The following HMGA1 variants were observed in gnomAD, a reference collection of about 807,000 sequenced individuals.
HMGA1 encodes high mobility group protein HMG-I/HMG-Y.
A neutral mutation model predicts 15.1 loss-of-function variants in HMGA1; 1 was observed. The ratio of observed to expected loss-of-function variants is 0.07; its 90% confidence interval spans 0.02 to 0.31. The LOEUF (loss-of-function observed/expected upper bound fraction) is 0.31. Among genes scored for constraint, HMGA1 ranks in the 10% least tolerant of loss-of-function variants. HMGA1 has a pLI of 1.00. For synonymous variants in HMGA1, 56 were observed against 54.8 expected (o/e 1.02, Z -0.10); for missense variants, 94 against 141.4 (o/e 0.66, Z 1.70).
chr6:34,240,961 A>G, intron 3 of HMGA1, 46 bp downstream of exon 3: 1 of 1,610,228 alleles, frequency 6.2e-7, no homozygotes. Context: ...CTTTGGGGCT[A>G]GGGAGGTGCC....
chr6:34,237,935 C>T (rs557803225), intron 2 of HMGA1, among the ~76,000 whole-genome samples: 66 of 152,294 alleles, frequency 4.3e-4, no homozygotes, highest in African/African-American at 1.5e-3. Context: ...TGGCCTGGCC[C>T]GCGCCTCTTC....
intron 2 of HMGA1, chr6:34,238,803 C>G (rs1294550144): frequency 6.6e-6 from 1 of 150,946 alleles, no homozygotes; most frequent in African/African-American, 2.4e-5. Flanking sequence ...TCCCCAGCAG[C>G]AAGAGGTGGG....
chr6:34,242,711 G>A lies in HMGA1; in HGVS notation c.136-1G>A. ...CCTGACTACCCCCTCTGTCTTTACA[G>A]AAGGAGCCCAGCGAAGTGCCAACAC... On this transcript the variant is annotated splice_acceptor_variant, in intron 3 of 5. Transcript: ENST00000311487. LOFTEE classifies it high-confidence loss of function. The A allele has an allele frequency of 6.3e-7, 1 of 1,575,102 alleles. No individual in the cohort carries two copies. The highest frequency in any genetic ancestry group is 1.2e-5 in the South Asian group (1 of 86,474).
rs752612970 is a variant in HMGA1 at position 34,244,793 on chromosome 6, C to T, written c.271-38C>T. The T allele has an allele frequency of 2.8e-5, 43 of 1,538,850 alleles. No individual in the cohort carries two copies. In the African/African-American group the frequency reaches 2.9e-4, roughly 10 times the overall value. ...GCCTCTGGGGGTGGAAGAGGGGGAC[C>T]GGGCCAGAGCTCACACCAACAACTG... On this transcript the variant is annotated intron_variant, in intron 5 of 5. Coordinates refer to ENST00000311487, the MANE Select transcript of HMGA1 (RefSeq NM_145899.3).
At chr6:34,241,531 G>A (rs188147304) in intron 3 of HMGA1, among the ~76,000 whole-genome samples, 1 of 152,318 alleles carries the variant, frequency 6.6e-6, no homozygotes. Context: ...AAAAATGTTG[G>A]GGAGTTGGTG....
At chr6:34,237,552 C>G (rs1345231019) in intron 2 of HMGA1, among the ~76,000 whole-genome samples, 2 of 145,232 alleles carry the variant, frequency 1.4e-5, no homozygotes. Context: ...CCGCGGGCGC[C>G]CTGCGGGGGG....
intron 2 of HMGA1, among the ~76,000 whole-genome samples, chr6:34,237,607 T>C (rs570266028): frequency 1.3e-3 from 185 of 145,930 alleles, no homozygotes; most frequent in Non-Finnish European, 2.2e-3. Flanking sequence ...GGCGCGCAGC[T>C]GCGGCGAGCG....
chr6:34,244,355 C>T (rs1762546898), intron 5 of HMGA1, among the ~76,000 whole-genome samples: 1 of 152,086 alleles, frequency 6.6e-6, no homozygotes, highest in African/African-American at 2.4e-5. Flanking sequence ...CTAGGGTCAG[C>T]CCTCGGCCAC....
At chr6:34,237,736 G>A (rs2127537244) in intron 2 of HMGA1, among the ~76,000 whole-genome samples, 1 of 151,430 alleles carries the variant, frequency 6.6e-6, no homozygotes, top group South Asian at 2.1e-4. Flanking sequence ...GGAGAGACAC[G>A]GGCTGCGGCG....
rs1207199789 is a variant in HMGA1 at position 34,245,120 on chromosome 6, C to A, written c.*236C>A. The A allele has an allele frequency of 1.4e-5, 21 of 1,499,532 alleles. No individual in the cohort carries two copies. The East Asian group carries it at 3.1e-4, about 22-fold the overall frequency. 92.9% of individuals were successfully genotyped at this position (1,499,532 alleles called of 1,614,324 possible). On this transcript the variant is annotated 3_prime_UTR_variant, in exon 6 of 6. Coordinates refer to ENST00000311487, the MANE Select transcript of HMGA1 (RefSeq NM_145899.3). ...TTTCCCCTGGCCTCAGTTCCCAGCT[C>A]CCCCCGCCCACCCACGCATACACAC...
chr6:34,242,557 G>A (rs534413152), intron 3 of HMGA1, among the ~76,000 whole-genome samples, 155 bp from the exon 4 acceptor site: 26 of 152,282 alleles, frequency 1.7e-4, no homozygotes, highest in African/African-American at 2.9e-4. Flanking sequence ...TGCTCAAACT[G>A]GAGCTTTGGA....
At chr6:34,239,808 GTTAA>G (rs1236742352) in intron 2 of HMGA1, among the ~76,000 whole-genome samples, 1 of 152,132 alleles carries the variant, frequency 6.6e-6, no homozygotes, top group African/African-American at 2.4e-5. Context: ...AATTGATGGG[GTTAA>G]TTAAACCCCA....
intron 2 of HMGA1, among the ~76,000 whole-genome samples, chr6:34,237,523 C>T (rs915055996): frequency 6.9e-6 from 1 of 144,208 alleles, no homozygotes; most frequent in African/African-American, 2.5e-5. Context: ...GGGAGGACGC[C>T]CGCACCCCTT....
At chr6:34,237,518 G>A (rs1761875396) in intron 2 of HMGA1, among the ~76,000 whole-genome samples, 1 of 144,760 alleles carries the variant, frequency 6.9e-6, no homozygotes, top group Non-Finnish European at 1.5e-5. Context: ...GCGCGGGGAG[G>A]ACGCCCGCAC....
At position 34,245,280 on chromosome 6, in the gene HMGA1, C is replaced by T. The variant is rs1244834863; in HGVS notation, c.*396C>T. ...GCCCTCTCTGCTCCTTCACTGTTCCCTCTGGCTTCCCATAGTGGGGCCTGG... is the reference window on the plus strand; with the variant it reads ...GCCCTCTCTGCTCCTTCACTGTTCCTTCTGGCTTCCCATAGTGGGGCCTGG... On this transcript the variant is annotated 3_prime_UTR_variant, in exon 6 of 6. Transcript: ENST00000311487. 2 of 1,373,288 alleles carry T rather than the reference C, an allele frequency of 1.5e-6. No individual in the cohort carries two copies. The highest frequency in any genetic ancestry group is 1.9e-6 in the Non-Finnish European group (2 of 1,041,080). The allele number at this position is 1,373,288 out of a possible 1,614,324, so 85.1% of individuals were successfully genotyped here.
At chr6:34,244,092 C>T (rs1357070916) in intron 5 of HMGA1, among the ~76,000 whole-genome samples, 1 of 151,872 alleles carries the variant, frequency 6.6e-6, no homozygotes, top group African/African-American at 2.4e-5. Context: ...CCCAGCCTTC[C>T]AGCTCCTGGC....
intron 2 of HMGA1, 56 bp from the exon 3 acceptor site, chr6:34,240,681 G>GGGT: frequency 7.3e-7 from 1 of 1,361,682 alleles, no homozygotes; most frequent in Non-Finnish European, 1.0e-6. Context: ...GGTGATGAGG[G>GGGT]GGTAGAAAGT....
At chr6:34,241,505 T>C (rs973796782) in intron 3 of HMGA1, among the ~76,000 whole-genome samples, 4 of 152,172 alleles carry the variant, frequency 2.6e-5, no homozygotes, top group African/African-American at 9.7e-5. Flanking sequence ...AGATGGAAAT[T>C]GAAGCCCAAG....
At chr6:34,238,651 G>T (rs1031861459) in intron 2 of HMGA1, 1 of 152,280 alleles carries the variant, frequency 6.6e-6, no homozygotes, top group Non-Finnish European at 1.5e-5. Flanking sequence ...AGGGATTGGG[G>T]TTAGGCCCTA....
Sources: allele counts gnomAD v4.1 joint callset (sites outside exome capture counted in the v4.1 genomes callset), GRCh38; gene constraint gnomAD v4.1.1; transcripts MANE v1.5; gene names NCBI Gene and HGNC (gene_info 2026-07-23, HGNC 2026-07-21).